Variants in GRID2 observed in about 807,000 individuals in gnomAD.
GRID2 encodes glutamate receptor ionotropic, delta-2.
In GRID2, 33 loss-of-function variants were observed where a neutral mutation model predicts 114.8. That is an observed-to-expected ratio of 0.29 (90% CI 0.22 to 0.38). The LOEUF (loss-of-function observed/expected upper bound fraction) is 0.38, where lower values mean the gene tolerates loss of function less well. Ranked by LOEUF, GRID2 falls within the 10% of genes least tolerant of loss-of-function variation. The pLI is 1.00. For synonymous variants in GRID2, 505 were observed against 449.9 expected (o/e 1.12, Z -1.55); for missense variants, 1,184 against 1,257.7 (o/e 0.94, Z 0.89).
chr4:92,712,986 TTTC>T (rs1194410379), intron 2 of GRID2, among the ~76,000 whole-genome samples: 1 of 151,128 alleles, frequency 6.6e-6, no homozygotes, highest in Non-Finnish European at 1.5e-5. Flanking sequence ...GACTTGACTT[TTTC>T]TTTTTTCTTT....
intron 11 of GRID2, among the ~76,000 whole-genome samples, chr4:93,482,862 A>G (rs1028839352): frequency 1.3e-5 from 2 of 151,936 alleles, no homozygotes; most frequent in Admixed American, 1.3e-4. Flanking sequence ...CTAGCTTGCA[A>G]ATGGGTTCAA....
chr4:93,538,488 A>C (rs1227476476), intron 13 of GRID2, among the ~76,000 whole-genome samples: 1 of 151,826 alleles, frequency 6.6e-6, no homozygotes, highest in East Asian at 1.9e-4. Flanking sequence ...CAGGAGCTTT[A>C]TACTCCTCCA....
At chr4:92,614,624 C>T (rs2149232298) in intron 2 of GRID2, among the ~76,000 whole-genome samples, 1 of 151,640 alleles carries the variant, frequency 6.6e-6, no homozygotes, top group East Asian at 2.0e-4. Context: ...CTCTATAGTC[C>T]AGTGTATTCT....
chr4:93,429,126 A>G (rs1769154436), intron 10 of GRID2, among the ~76,000 whole-genome samples: 1 of 152,174 alleles, frequency 6.6e-6, no homozygotes, highest in Non-Finnish European at 1.5e-5. Flanking sequence ...AGCCACTGAA[A>G]TAACCATTTA....
chr4:92,332,632 C>G lies in GRID2; in HGVS notation c.88+27888C>G, dbSNP rs146015955. 1.6e-3 allele frequency among the ~76,000 whole-genome samples: 242 copies of G among 152,222 alleles called. 1 individual carries two copies. The highest frequency in any genetic ancestry group is 5.4e-3 in the African/African-American group (224 of 41,518). ...AATCAAATATGAGTGAGACTTAAAG[C>G]ATGATTTATTCTGAGGCAAATTATT... On this transcript the variant is annotated intron_variant, in intron 1 of 15. Coordinates refer to ENST00000282020, the MANE Select transcript of GRID2 (RefSeq NM_001510.4).
chr4:93,136,793 A>G lies in GRID2; in HGVS notation c.735+25840A>G, dbSNP rs576133322. On this transcript the variant is annotated intron_variant, in intron 4 of 15. Transcript: ENST00000282020. Reference sequence around the variant, plus strand: ...CGACTTAAATTTGTGATTTAAGGTGATTCCACAACTGACCAAGACATCAGG... The same window carrying G: ...CGACTTAAATTTGTGATTTAAGGTGGTTCCACAACTGACCAAGACATCAGG... Among the ~76,000 whole-genome samples the G allele has an allele frequency of 4.6e-5, 7 of 152,290 alleles. No individual in the cohort carries two copies. The South Asian group carries it at 1.4e-3, about 32-fold the overall frequency.
intron 12 of GRID2, among the ~76,000 whole-genome samples, chr4:93,497,885 A>G (rs2149469501): frequency 6.6e-6 from 1 of 152,006 alleles, no homozygotes. Flanking sequence ...TGAAATATTG[A>G]CAGTAATTGC....
chr4:92,790,877 C>T (rs1739553934), intron 2 of GRID2, among the ~76,000 whole-genome samples: 1 of 151,702 alleles, frequency 6.6e-6, no homozygotes, highest in Non-Finnish European at 1.5e-5. Context: ...AGTGAAGGGG[C>T]AAGCACCGGG....
At chr4:93,275,053 A>G (rs1490068408) in intron 8 of GRID2, among the ~76,000 whole-genome samples, 2 of 151,972 alleles carry the variant, frequency 1.3e-5, no homozygotes, top group East Asian at 1.9e-4. Flanking sequence ...TGTACATCCA[A>G]TAGTAGTCAC....
chr4:93,163,376 A>ATATACAC (rs1553999451), intron 4 of GRID2, among the ~76,000 whole-genome samples: 9 of 51,812 alleles, frequency 1.7e-4, no homozygotes, highest in Admixed American at 3.1e-4. Flanking sequence ...ATATATATAT[A>ATATACAC]TATATATATA....
intron 1 of GRID2, among the ~76,000 whole-genome samples, chr4:92,495,147 G>A (rs935786351): frequency 1.3e-5 from 2 of 151,938 alleles, no homozygotes; most frequent in Non-Finnish European, 2.9e-5. Context: ...TTCTCCTCAC[G>A]AGAGAGTGTC....
intron 4 of GRID2, among the ~76,000 whole-genome samples, chr4:93,157,317 C>A (rs1463903167): frequency 3.3e-5 from 5 of 151,600 alleles, no homozygotes; most frequent in Admixed American, 6.6e-5. Flanking sequence ...GGTACCTTTT[C>A]CTTTCTTCCA....
At chr4:93,011,190 A>G (rs1203420669) in intron 2 of GRID2, among the ~76,000 whole-genome samples, 1 of 151,520 alleles carries the variant, frequency 6.6e-6, no homozygotes, top group African/African-American at 2.4e-5. Flanking sequence ...TGGAAGGAAG[A>G]GAATTTTCAT....
chr4:93,534,177 A>G (rs1731789312), intron 13 of GRID2, among the ~76,000 whole-genome samples: 1 of 152,032 alleles, frequency 6.6e-6, no homozygotes, highest in Non-Finnish European at 1.5e-5. Flanking sequence ...TAAATGCAAT[A>G]CCCCTGATAC....
chr4:93,654,252 G>A (rs1722817181), intron 14 of GRID2, among the ~76,000 whole-genome samples: 1 of 152,092 alleles, frequency 6.6e-6, no homozygotes, highest in Admixed American at 6.5e-5. Flanking sequence ...GCTTCCAATA[G>A]AAGCCCAGGC....
intron 10 of GRID2, 62 bp from the exon 11 acceptor site, chr4:93,455,600 G>A (rs544862113): frequency 4.4e-6 from 5 of 1,137,128 alleles, no homozygotes; most frequent in South Asian, 4.1e-5. Flanking sequence ...GCAAGCTGAA[G>A]TGGCACAAAT....
chr4:93,352,693 A>C (rs762703944), intron 8 of GRID2, among the ~76,000 whole-genome samples: 1 of 152,088 alleles, frequency 6.6e-6, no homozygotes, highest in African/African-American at 2.4e-5. Context: ...CATTCTAGAA[A>C]TATTTATCCA....
chr4:92,752,573 A>G (rs1399699253), intron 2 of GRID2, among the ~76,000 whole-genome samples: 1 of 152,214 alleles, frequency 6.6e-6, no homozygotes, highest in East Asian at 1.9e-4. Context: ...GATATCTGTG[A>G]AAAAGTAATA....
At chr4:92,855,947 G>T (rs936724674) in intron 2 of GRID2, among the ~76,000 whole-genome samples, 1 of 151,938 alleles carries the variant, frequency 6.6e-6, no homozygotes, top group South Asian at 2.1e-4. Context: ...ATCATGTCAC[G>T]CGATGTTTCA....
Sources: allele counts gnomAD v4.1 joint callset (sites outside exome capture counted in the v4.1 genomes callset), GRCh38; gene constraint gnomAD v4.1.1; transcripts MANE v1.5; gene names NCBI Gene and HGNC (gene_info 2026-07-23, HGNC 2026-07-21).